The following ETV5 variants were observed in gnomAD, a reference collection of about 807,000 sequenced individuals.
The protein encoded by ETV5 is ETS translocation variant 5.
A neutral mutation model predicts 70.0 loss-of-function variants in ETV5; 10 were observed. The ratio of observed to expected loss-of-function variants is 0.14; its 90% CI spans 0.09 to 0.24. The LOEUF is 0.24. ETV5 is among the 10% of genes least tolerant of loss of function. The pLI is 1.00. For synonymous variants in ETV5, 216 were observed against 242.2 expected, an observed-to-expected ratio of 0.89 and a Z score of 1.01; for missense variants, 453 against 651.2, an observed-to-expected ratio of 0.70 and a Z score of 3.31.
intron 9 of ETV5, among the ~76,000 whole-genome samples, chr3:186,061,493 G>A (rs1053928458): frequency 6.6e-6 from 1 of 152,186 alleles, no homozygotes; most frequent in African/African-American, 2.4e-5. Flanking sequence ...TGGGTCCTGA[G>A]AATGTGCATT....
intron 7 of ETV5, among the ~76,000 whole-genome samples, chr3:186,073,442 G>C (rs1252349955): frequency 1.3e-5 from 2 of 152,178 alleles, no homozygotes; most frequent in African/African-American, 4.8e-5. Flanking sequence ...GTTTGGAGAA[G>C]TTGAGTGCCT....
chr3:186,097,560 CCT>C (rs1186970815), intron 5 of ETV5, among the ~76,000 whole-genome samples: 1 of 152,116 alleles, frequency 6.6e-6, no homozygotes, highest in Non-Finnish European at 1.5e-5. Context: ...GCTAAACCAC[CCT>C]CTCCTCTTAT....
chr3:186,061,918 A>G (rs1713313514), intron 9 of ETV5, among the ~76,000 whole-genome samples: 1 of 152,214 alleles, frequency 6.6e-6, no homozygotes, highest in Non-Finnish European at 1.5e-5. Context: ...AAAATTTAAA[A>G]ATCTGTGACA....
chr3:186,049,519 C>T (rs1334151503), intron 12 of ETV5, among the ~76,000 whole-genome samples: 2 of 152,200 alleles, frequency 1.3e-5, no homozygotes, highest in African/African-American at 2.4e-5. Context: ...AATGGGATCA[C>T]CTTCTCTCTG....
rs143646821 is a variant in ETV5 at position 186,083,750 on chromosome 3, C to T, written c.233-2575G>A. 8.0e-3 allele frequency among the ~76,000 whole-genome samples: 1,216 copies of T among 152,146 alleles called. 15 individuals carry two copies. The highest frequency in any genetic ancestry group is 0.028 in the African/African-American group (1,164 of 41,496). Reference sequence around the variant, plus strand: ...ATTATATTTCCAATTTGTTCTTAACCGTGAAGGCAGGGACCACATCTACCC... The same window carrying T: ...ATTATATTTCCAATTTGTTCTTAACTGTGAAGGCAGGGACCACATCTACCC... On this transcript the variant is annotated intron_variant, in intron 5 of 12. Transcript: ENST00000306376.
intron 5 of ETV5, among the ~76,000 whole-genome samples, chr3:186,081,913 CA>C (rs1713943368): frequency 6.6e-6 from 1 of 152,206 alleles, no homozygotes; most frequent in South Asian, 2.1e-4. Flanking sequence ...ATAGATGGTG[CA>C]GTGAATTTTG....
chr3:186,063,439 A>C (rs1338923235), intron 9 of ETV5, among the ~76,000 whole-genome samples: 1 of 152,236 alleles, frequency 6.6e-6, no homozygotes, highest in Admixed American at 6.5e-5. Context: ...TAATGAAGGC[A>C]AAGTCACAGG....
In ETV5 at chr3:186,105,782, G is replaced by A. The variant is rs972544052; in HGVS notation, c.45+42C>T. On this transcript the variant is annotated intron_variant, in intron 2 of 12. Transcript: ENST00000306376. This position sits in a 1 kb window ranked among gnomAD's most constrained non-coding sequence, Gnocchi z 4.5. The stretch of plus-strand genomic sequence containing the variant: ...GGTCCACAGGGGGAAGACTCATATT[G>A]GAGAGGGAGGACAAAACAAACCAAA... 6.2e-7 allele frequency: 1 copy of A among 1,609,764 alleles called. No individual in the cohort carries two copies. The highest frequency in any genetic ancestry group is 1.3e-5 in the African/African-American group (1 of 74,956).
intron 5 of ETV5, 84 bp from the exon 6 acceptor site, chr3:186,081,259 C>CT: frequency 7.3e-7 from 1 of 1,374,168 alleles, no homozygotes; most frequent in Non-Finnish European, 9.8e-7. Context: ...TGCAAACCTT[C>CT]TAACTAGCTG....
At chr3:186,062,593 C>T (rs896434278) in intron 9 of ETV5, among the ~76,000 whole-genome samples, 3 of 152,108 alleles carry the variant, frequency 2.0e-5, no homozygotes, top group Non-Finnish European at 4.4e-5. Context: ...TGCACTCCAG[C>T]CTGGCGACAG....
chr3:186,100,835 G>C (rs933264088), intron 5 of ETV5, among the ~76,000 whole-genome samples: 3 of 152,134 alleles, frequency 2.0e-5, no homozygotes, highest in African/African-American at 7.2e-5. Context: ...AAATATCTTA[G>C]TTATTCAAGA....
chr3:186,073,233 T>C (rs1475772791), intron 7 of ETV5, among the ~76,000 whole-genome samples: 21 of 152,224 alleles, frequency 1.4e-4, no homozygotes, highest in Admixed American at 1.4e-3. Flanking sequence ...ACAATGAAGT[T>C]TCTCAGTTTG....
intron 9 of ETV5, among the ~76,000 whole-genome samples, chr3:186,062,968 G>T (rs1713342488): frequency 6.6e-6 from 1 of 152,082 alleles, no homozygotes; most frequent in South Asian, 2.1e-4. Flanking sequence ...AGCTACAAAA[G>T]TTTATATTTG....
intron 11 of ETV5, among the ~76,000 whole-genome samples, chr3:186,053,255 T>C (rs1194063203): frequency 2.6e-5 from 4 of 152,088 alleles, no homozygotes; most frequent in South Asian, 2.1e-4. Flanking sequence ...GTGTCCATTG[T>C]CATGCCCAAC....
At chr3:186,069,033 T>A (rs1233537524) in intron 7 of ETV5, among the ~76,000 whole-genome samples, 1 of 152,186 alleles carries the variant, frequency 6.6e-6, no homozygotes, top group African/African-American at 2.4e-5. Context: ...TTGATTTGAA[T>A]CAATGTGTGG....
chr3:186,098,936 C>T (rs1162443306), intron 5 of ETV5, among the ~76,000 whole-genome samples: 1 of 152,194 alleles, frequency 6.6e-6, no homozygotes, highest in African/African-American at 2.4e-5. Context: ...ACAGAATCCC[C>T]ATTCCATGCC....
chr3:186,083,972 T>C (rs1713993710), intron 5 of ETV5, among the ~76,000 whole-genome samples: 1 of 152,136 alleles, frequency 6.6e-6, no homozygotes, highest in African/African-American at 2.4e-5. Context: ...TTCTGGCATG[T>C]GTTAGTCAGA....
chr3:186,073,776 C>A (rs1000943696), intron 7 of ETV5, among the ~76,000 whole-genome samples: 3 of 152,104 alleles, frequency 2.0e-5, no homozygotes, highest in African/African-American at 4.8e-5. Flanking sequence ...TTGTCCAAAC[C>A]AGGATCCTTT....
intron 5 of ETV5, among the ~76,000 whole-genome samples, chr3:186,091,132 T>C (rs1164370891): frequency 1.3e-5 from 2 of 152,210 alleles, no homozygotes; most frequent in East Asian, 1.9e-4. Context: ...AGGCTCATTC[T>C]GCAAGAACAG....
Sources: allele counts gnomAD v4.1 joint callset (sites outside exome capture counted in the v4.1 genomes callset), GRCh38; gene constraint gnomAD v4.1.1; non-coding constraint Gnocchi (gnomAD v3.1); transcripts MANE v1.5; gene names NCBI Gene and HGNC (gene_info 2026-07-23, HGNC 2026-07-21).